NBPF3: variants seen among roughly 807,000 people sequenced by gnomAD.
NBPF3 encodes NBPF member 3.
In NBPF3, 57 loss-of-function variants were observed where a neutral mutation model predicts 78.1. The observed-to-expected ratio is 0.73, with a 90% CI of 0.59 to 0.91. The LOEUF is 0.91. Ranked by LOEUF, NBPF3 falls within the 40% of genes least tolerant of loss-of-function variation. The pLI, the probability that NBPF3 is intolerant of heterozygous loss-of-function variation, is 0.00. For synonymous variants in NBPF3, 182 were observed against 271.7 expected (o/e 0.67, Z 3.25); for missense variants, 510 against 715.3 (o/e 0.71, Z 3.27).
Position 21,483,309 on chromosome 1 carries a change from G to A in NBPF3, c.1825G>A (p.Val609Met), listed in dbSNP as rs1643327889. Reference sequence around the variant, plus strand: ...ACAGGACGTCAGCTTGGCCCTTGACGTGGACAATAGGTTTTTTACTTTGAC... The same window carrying A: ...ACAGGACGTCAGCTTGGCCCTTGACATGGACAATAGGTTTTTTACTTTGAC... Reference protein sequence around the residue: ...EEQDVSLALDVDNRFFTLTVI... With the variant: ...EEQDVSLALDMDNRFFTLTVI... The change falls in exon 15 of 15, where the codon GTG becomes ATG. Residue 609 changes from valine to methionine, a missense_variant. This residue lies in a region of NBPF3 where 18 missense variants were observed against 65.2 expected (regional missense o/e 0.28). Transcript: ENST00000318249. The A allele has an allele frequency of 6.2e-6, 8 of 1,285,990 alleles. No homozygotes were observed. The highest frequency in any genetic ancestry group is 4.7e-5 in the Admixed American group (2 of 42,348). 79.7% of individuals were successfully genotyped at this position (1,285,990 alleles called of 1,614,324 possible).
At chr1:21,466,787 C>T (rs1250004366) in intron 2 of NBPF3, among the ~76,000 whole-genome samples, 1 of 152,162 alleles carries the variant, frequency 6.6e-6, no homozygotes, top group Non-Finnish European at 1.5e-5. Context: ...CCCTCCTCTT[C>T]AAGTTTCTTA....
At chr1:21,458,798 G>T (rs979037359) in intron 2 of NBPF3, among the ~76,000 whole-genome samples, 2 of 152,190 alleles carry the variant, frequency 1.3e-5, no homozygotes, top group Non-Finnish European at 2.9e-5. Flanking sequence ...AAACTTTGGG[G>T]CGTAGGGAAA....
intron 2 of NBPF3, chr1:21,467,234 G>A: frequency 3.0e-6 from 3 of 985,416 alleles, no homozygotes; most frequent in Non-Finnish European, 3.6e-6. Flanking sequence ...AAATGGGATT[G>A]ATCCAGTCCT....
At chr1:21,469,034 A>T in intron 3 of NBPF3, 137 bp downstream of exon 3, 1 of 743,796 alleles carries the variant, frequency 1.3e-6, no homozygotes, top group Non-Finnish European at 2.2e-6. Context: ...GCATTTTCAC[A>T]TTTTGTTAAA....
At chr1:21,466,196 C>T (rs372921591) in intron 2 of NBPF3, 116,368 of 774,850 alleles carry the variant, frequency 0.15, 8,791 homozygotes, top group South Asian at 0.34. Context: ...TGAGAGACAA[C>T]GAGTGGCGCT....
chr1:21,471,878 T>G (rs1229118204), intron 5 of NBPF3, 95 bp downstream of exon 5: 8 of 1,514,022 alleles, frequency 5.3e-6, no homozygotes, highest in African/African-American at 2.7e-5. Flanking sequence ...ATCGGTGGTG[T>G]TTTTTCCCAC....
intron 1 of NBPF3, 30 bp from the exon 2 acceptor site, chr1:21,444,918 T>C: frequency 8.9e-6 from 6 of 674,358 alleles, no homozygotes; most frequent in Non-Finnish European, 1.4e-5. Context: ...ATCTCAATGT[T>C]AACCTTGATT....
chr1:21,475,228 A>AT (rs1338683538), intron 8 of NBPF3, among the ~76,000 whole-genome samples: 1 of 152,026 alleles, frequency 6.6e-6, no homozygotes, highest in Admixed American at 6.6e-5. Context: ...GGATTCACTG[A>AT]TTTTTTTGAA....
At chr1:21,443,861 T>C (rs1640808893) in intron 1 of NBPF3, among the ~76,000 whole-genome samples, 1 of 152,202 alleles carries the variant, frequency 6.6e-6, no homozygotes, top group African/African-American at 2.4e-5. Context: ...TCCTCCCACC[T>C]TGGCATCCCA....
At position 21,476,336 on chromosome 1, in the gene NBPF3, G is replaced by C. The variant is rs531690713; in HGVS notation, c.992+1385G>C. ...CATGATGATGTGAGCTGGTTATTTTGCCTGTTAGTTGATGCACTTTCTTCC... is the reference window on the plus strand; with the variant it reads ...CATGATGATGTGAGCTGGTTATTTTCCCTGTTAGTTGATGCACTTTCTTCC... On this transcript the variant is annotated intron_variant, in intron 8 of 14. Coordinates refer to ENST00000318249, the MANE Select transcript of NBPF3 (RefSeq NM_032264.6). This position sits in a 1 kb window ranked among gnomAD's most constrained non-coding sequence, Gnocchi z 4.1. Among the ~76,000 whole-genome samples the C allele has an allele frequency of 6.6e-6, 1 of 152,124 alleles. No homozygotes were observed. Among genetic ancestry groups the C allele is most frequent in the Non-Finnish European group, 1.5e-5 (1 of 68,010 alleles).
At chr1:21,470,125 G>A (rs1375725522) in intron 3 of NBPF3, among the ~76,000 whole-genome samples, 2 of 152,134 alleles carry the variant, frequency 1.3e-5, no homozygotes, top group African/African-American at 4.8e-5. Context: ...CATCCTTTAT[G>A]CTTCAGATGT....
At chr1:21,475,148 G>A (rs1233212587) in intron 8 of NBPF3, among the ~76,000 whole-genome samples, 197 bp downstream of exon 8, 1 of 152,202 alleles carries the variant, frequency 6.6e-6, no homozygotes, top group Non-Finnish European at 1.5e-5. Flanking sequence ...ATAGGAACTT[G>A]CAATCAGATG....
chr1:21,482,159 T>C (rs2261575), intron 13 of NBPF3, among the ~76,000 whole-genome samples: 2,230 of 145,932 alleles, frequency 0.015, 2 homozygotes, highest in African/African-American at 0.055. Context: ...GGGCTGAATA[T>C]TGCAGTTTTT....
intron 2 of NBPF3, chr1:21,454,119 T>G (rs529841740): frequency 1.3e-5 from 2 of 152,230 alleles, no homozygotes; most frequent in Non-Finnish European, 2.9e-5. Context: ...ACATTTCCCC[T>G]GGATCTGCAC....
chr1:21,470,656 T>C lies in NBPF3; in HGVS notation c.368T>C (p.Ile123Thr). The change falls in exon 4 of 15, where the codon ATA (isoleucine) becomes ACA (threonine). Residue 123 changes from isoleucine (I) to threonine (T), a missense_variant. Physicochemically the swap from Ile to Thr is moderately conservative, Grantham distance 89. Coordinates refer to ENST00000318249, the MANE Select transcript of NBPF3 (RefSeq NM_032264.6). ...NYDYEDCKDLIKSMLRDERLL... is the reference protein window; with the variant it reads ...NYDYEDCKDLTKSMLRDERLL... Reference sequence around the variant, plus strand: ...GACTATGAAGACTGCAAAGACCTCATAAAATCTATGCTGAGGGATGAGCGG... The same window carrying C: ...GACTATGAAGACTGCAAAGACCTCACAAAATCTATGCTGAGGGATGAGCGG... 1.3e-6 allele frequency: 2 copies of C among 1,598,944 alleles called. No individual in the cohort carries two copies. Among genetic ancestry groups the C allele is most frequent in the Middle Eastern group, 1.7e-4 (1 of 5,976 alleles).
intron 2 of NBPF3, chr1:21,451,785 G>A (rs976847198): frequency 2.7e-5 from 7 of 260,828 alleles, no homozygotes; most frequent in Admixed American, 1.1e-4. Context: ...AGATAAGGAT[G>A]GTCAAATAAA....
At chr1:21,440,541 C>T (rs1312917186) in intron 1 of NBPF3, among the ~76,000 whole-genome samples, 193 bp downstream of exon 1, 1 of 152,200 alleles carries the variant, frequency 6.6e-6, no homozygotes, top group East Asian at 1.9e-4. Context: ...CTGCCGCCCT[C>T]AGCCCAGCTC....
chr1:21,442,473 C>T (rs558055539), intron 1 of NBPF3: 2 of 152,292 alleles, frequency 1.3e-5, no homozygotes, highest in African/African-American at 4.8e-5. Flanking sequence ...GCTTCGGCCT[C>T]CCAAAGGATT....
Position 21,471,759 on chromosome 1 carries a change from C to A in NBPF3, c.637C>A (p.His213Asn). ...GGCTGAGGGATGTAGGCTGGCACAG[C>A]ACCTCGTCCAAAAGCTCAGCCCAGG... Reference protein sequence around the residue: ...QLAEGCRLAQHLVQKLSPEND... With the variant: ...QLAEGCRLAQNLVQKLSPEND... Residue 213 changes from histidine (H) to asparagine (N), a missense_variant, in exon 5 of 15, where the codon CAC (histidine) becomes AAC (asparagine). By Grantham distance (68) the His-to-Asn change is moderately conservative. This residue lies in a region of NBPF3 where 440 missense variants were observed against 478.2 expected (regional missense o/e 0.92). Transcript: ENST00000318249. The A allele has an allele frequency of 6.2e-7, 1 of 1,613,118 alleles. No homozygotes were observed. Among genetic ancestry groups the A allele is most frequent in the Non-Finnish European group, 8.5e-7 (1 of 1,179,822 alleles).
Sources: gnomAD v4.1 joint callset for allele counts (sites outside exome capture counted in the v4.1 genomes callset) on GRCh38, gnomAD v4.1.1 for gene constraint, gnomAD v4.1.1 regional missense constraint, Gnocchi (gnomAD v3.1) non-coding constraint, MANE v1.5 for transcripts, NCBI Gene and HGNC (gene_info 2026-07-23, HGNC 2026-07-21) for gene names.